The following STRN3 variants were observed in gnomAD, a reference collection of about 807,000 sequenced individuals.
The protein encoded by STRN3 is striatin-3.
Under a neutral mutation model 95.6 loss-of-function variants are expected in STRN3, and 29 were observed. That is an observed-to-expected ratio of 0.30 (90% CI 0.23 to 0.41). The LOEUF (loss-of-function observed/expected upper bound fraction) is 0.41, where lower values mean the gene tolerates loss of function less well. STRN3 is among the 10% of genes least tolerant of loss of function. The pLI, the probability that STRN3 is intolerant of heterozygous loss-of-function variation, is 1.00. For synonymous variants in STRN3, 331 were observed against 357.6 expected (o/e 0.93, Z 0.84); for missense variants, 890 against 972.1 (o/e 0.92, Z 1.12).
At chr14:30,992,490 T>A (rs1292556498) in intron 1 of STRN3, among the ~76,000 whole-genome samples, 1 of 143,862 alleles carries the variant, frequency 7.0e-6, no homozygotes, top group Non-Finnish European at 1.5e-5. Flanking sequence ...TAGGATCAAC[T>A]GATCCACCAG....
chr14:31,026,341 G>A lies in STRN3; in HGVS notation c.-156C>T, dbSNP rs557861880. On this transcript the variant is annotated 5_prime_UTR_variant, in exon 1 of 18. Coordinates refer to ENST00000357479, the MANE Select transcript of STRN3 (RefSeq NM_001083893.2). ...TGTGCCTGCCGTGGGTCAGAGCAGG[G>A]AGCTGCCGGCTGCCGCCATTACAAT... The A allele has an allele frequency of 9.2e-5, 65 of 703,642 alleles. No homozygotes were observed. The highest frequency in any genetic ancestry group is 2.7e-4 in the African/African-American group (14 of 52,746). The allele number at this position is 703,642 out of a possible 1,614,324, so 43.6% of individuals were successfully genotyped here. A position where few individuals can be genotyped will look rare whatever the true frequency, so the allele number is the denominator to read the frequency against.
chr14:31,013,899 ATTAT>A (rs1883108743), intron 1 of STRN3, among the ~76,000 whole-genome samples: 1 of 119,440 alleles, frequency 8.4e-6, no homozygotes, highest in African/African-American at 2.7e-5. Flanking sequence ...TATTATTATT[ATTAT>A]TATTATTATT....
At chr14:31,004,036 C>T (rs1263861820) in intron 1 of STRN3, among the ~76,000 whole-genome samples, 1 of 151,978 alleles carries the variant, frequency 6.6e-6, no homozygotes, top group Non-Finnish European at 1.5e-5. Context: ...GTAATCTCAG[C>T]ACTTTGGGAG....
rs778871263 is a variant in STRN3 at position 31,026,189 on chromosome 14, G to C, written c.-4C>G. The C allele has an allele frequency of 4.2e-6, 6 of 1,439,484 alleles. No homozygotes were observed. In the South Asian group the frequency reaches 8.5e-5, roughly 20 times the overall value. 89.2% of individuals were successfully genotyped at this position (1,439,484 alleles called of 1,614,324 possible). On this transcript the variant is annotated 5_prime_UTR_variant, in exon 1 of 18. Transcript: ENST00000357479. The stretch of plus-strand genomic sequence containing the variant: ...CGCCTCCGGCAAGCTCGTCCATTGT[G>C]TGTGGGGCCCCGGCCGGGGCGCAGG...
At chr14:30,933,970 T>A (rs1374545550) in intron 7 of STRN3, among the ~76,000 whole-genome samples, 1 of 152,090 alleles carries the variant, frequency 6.6e-6, no homozygotes, top group Non-Finnish European at 1.5e-5. Context: ...AGTTGTTTTT[T>A]AAAAAAAATC....
chr14:30,972,278 G>C (rs1338923118), intron 1 of STRN3, among the ~76,000 whole-genome samples: 1 of 151,950 alleles, frequency 6.6e-6, no homozygotes, highest in Non-Finnish European at 1.5e-5. Context: ...GCTCTGCCCT[G>C]ACCCCCGCCA....
chr14:31,017,536 A>C (rs1031174684), intron 1 of STRN3, among the ~76,000 whole-genome samples: 3 of 152,066 alleles, frequency 2.0e-5, no homozygotes, highest in Non-Finnish European at 4.4e-5. Context: ...TTTAAAATAT[A>C]CAGGAAGATG....
chr14:30,907,121 C>A, intron 13 of STRN3, 77 bp from the exon 14 acceptor site: 1 of 1,500,708 alleles, frequency 6.7e-7, no homozygotes. Context: ...GAAAACTTAC[C>A]ATATAACTGA....
chr14:30,962,915 T>C (rs541970823), intron 1 of STRN3, among the ~76,000 whole-genome samples: 2 of 152,256 alleles, frequency 1.3e-5, no homozygotes, highest in Admixed American at 1.3e-4. Context: ...TAGTATTCAG[T>C]ACAGTAACAT....
At chr14:30,914,945 A>G (rs1896699458) in intron 9 of STRN3, among the ~76,000 whole-genome samples, 1 of 152,210 alleles carries the variant, frequency 6.6e-6, no homozygotes, top group Non-Finnish European at 1.5e-5. Context: ...TTGAATGACT[A>G]TTATCTAAAT....
chr14:30,963,092 A>C (rs935318857), intron 1 of STRN3, among the ~76,000 whole-genome samples: 9 of 54,864 alleles, frequency 1.6e-4, no homozygotes, highest in Admixed American at 1.4e-3. Context: ...GACTACGCTA[A>C]TAATGACAAG....
chr14:31,024,537 CT>C (rs34681869), intron 1 of STRN3, among the ~76,000 whole-genome samples: 1 of 152,060 alleles, frequency 6.6e-6, no homozygotes, highest in Admixed American at 6.5e-5. Context: ...ACAAGTGTTA[CT>C]TTTTTTTAAG....
At chr14:30,926,041 G>C (rs1897019901) in intron 8 of STRN3, among the ~76,000 whole-genome samples, 1 of 151,914 alleles carries the variant, frequency 6.6e-6, no homozygotes, top group Non-Finnish European at 1.5e-5. Context: ...AAAAAAGAAA[G>C]TTTTTATTTT....
intron 1 of STRN3, among the ~76,000 whole-genome samples, chr14:30,974,539 T>C (rs1170601832): frequency 6.2e-5 from 9 of 145,242 alleles, no homozygotes; most frequent in Admixed American, 5.0e-4. Context: ...ACTTTATTTC[T>C]GCAGAAAACA....
chr14:30,955,022 T>C (rs1367615067), intron 3 of STRN3, among the ~76,000 whole-genome samples: 2 of 152,250 alleles, frequency 1.3e-5, no homozygotes, highest in South Asian at 2.1e-4. Context: ...TCGGAAAAAG[T>C]AGACCTTCCA....
intron 1 of STRN3, among the ~76,000 whole-genome samples, chr14:31,020,943 T>C (rs1883476890): frequency 6.6e-6 from 1 of 151,956 alleles, no homozygotes; most frequent in Non-Finnish European, 1.5e-5. Flanking sequence ...ATAAGCTCCC[T>C]GAGGACAAAG....
At position 31,018,080 on chromosome 14, in the gene STRN3, A is replaced by AT. The variant is rs1229869528; in HGVS notation, c.282+7823dup. On this transcript the variant is annotated intron_variant, in intron 1 of 17. Transcript: ENST00000357479. ...GGCAACAAAATGAAACCCTGCCTCAATTTAAAAAAAAAAAAAAAGGAAATT... is the reference window on the plus strand; with the variant it reads ...GGCAACAAAATGAAACCCTGCCTCAATTTTAAAAAAAAAAAAAAAGGAAATT... 7.2e-5 allele frequency among the ~76,000 whole-genome samples: 10 copies of AT among 138,340 alleles called. 1 individual carries two copies. The highest frequency in any genetic ancestry group is 2.0e-4 in the African/African-American group (8 of 39,116). The allele number at this position is 138,340 out of a possible 152,430, so 90.8% of individuals were successfully genotyped here. A position where few individuals can be genotyped will look rare whatever the true frequency, so the allele number is the denominator to read the frequency against.
intron 1 of STRN3, among the ~76,000 whole-genome samples, chr14:30,971,690 A>C (rs1052174792): frequency 1.3e-5 from 2 of 152,234 alleles, no homozygotes; most frequent in African/African-American, 4.8e-5. Flanking sequence ...GTATAACAAA[A>C]GCACTGCAAG....
At chr14:30,930,914 T>C (rs1212707536) in intron 7 of STRN3, among the ~76,000 whole-genome samples, 1 of 152,154 alleles carries the variant, frequency 6.6e-6, no homozygotes, top group African/African-American at 2.4e-5. Context: ...GCAAATATTT[T>C]TAAACCTCAC....
Sources: gnomAD v4.1 joint callset for allele counts (sites outside exome capture counted in the v4.1 genomes callset) on GRCh38, gnomAD v4.1.1 for gene constraint, MANE v1.5 for transcripts, NCBI Gene and HGNC (gene_info 2026-07-23, HGNC 2026-07-21) for gene names.